MAGI1: variants seen among roughly 807,000 people sequenced by gnomAD.
MAGI1 encodes the protein membrane associated guanylate kinase, WW and PDZ domain containing 1.
MAGI1 carries 58 observed loss-of-function variants against 139.9 expected under a neutral mutation model. That is an observed-to-expected ratio of 0.41 (90% CI 0.34 to 0.52). The LOEUF (loss-of-function observed/expected upper bound fraction) is 0.52, where lower values mean the gene tolerates loss of function less well. MAGI1 is among the 20% of genes least tolerant of loss of function. MAGI1 has a pLI of 0.12. For synonymous variants in MAGI1, 812 were observed against 737.9 expected (o/e 1.10, Z -1.63); for missense variants, 1,874 against 1,901.6 (o/e 0.99, Z 0.27).
rs1022000008 is a variant in MAGI1, at chr3:65,380,751, T to G, written c.2701+1126A>C. On this transcript the variant is annotated intron_variant, in intron 16 of 22. Transcript: ENST00000402939. ...AATCACATTGCCTTACTATTTCTAT[T>G]TGGGCCAGGGAAGCGAGATAGTTAG... is the stretch of plus-strand genomic sequence containing the variant. The G allele has an allele frequency of 5.3e-5, 8 of 152,164 alleles. No individual in the cohort carries two copies. The South Asian group carries it at 1.7e-3, about 32-fold the overall frequency. 9.4% of individuals were successfully genotyped at this position (152,164 alleles called of 1,614,324 possible).
intron 1 of MAGI1, among the ~76,000 whole-genome samples, chr3:65,840,885 T>G (rs1385140121): frequency 1.3e-5 from 2 of 152,216 alleles, no homozygotes; most frequent in Non-Finnish European, 2.9e-5. Context: ...TTTTAGACAT[T>G]TGCTACAATT....
chr3:65,603,375 G>T (rs374243693), intron 2 of MAGI1, among the ~76,000 whole-genome samples: 33 of 151,806 alleles, frequency 2.2e-4, no homozygotes, highest in Non-Finnish European at 4.9e-4. Flanking sequence ...TGGTCAAAGG[G>T]GACAATGAAA....
At chr3:65,735,825 C>T (rs2062474) in intron 1 of MAGI1, among the ~76,000 whole-genome samples, 72,857 of 152,004 alleles carry the variant, frequency 0.48, 18,404 homozygotes, top group East Asian at 0.98. Flanking sequence ...TGTCCGCTGC[C>T]GCTCATTAAA....
At position 65,540,863 on chromosome 3, in the gene MAGI1, G is replaced by A. The variant is rs552369944; in HGVS notation, c.431-47232C>T. Among the ~76,000 whole-genome samples, 58 of 152,316 alleles carry A rather than the reference G, an allele frequency of 3.8e-4. 1 individual carries two copies. In the South Asian group the frequency reaches 0.012, roughly 30 times the overall value. ...ATAATAACCAGTCTGCTGTGAGAGA[G>A]GAAGGAAGCAGATGTGCTGGGAAGA... On this transcript the variant is annotated intron_variant, in intron 2 of 22. Transcript: ENST00000402939.
intron 12 of MAGI1, among the ~76,000 whole-genome samples, chr3:65,422,148 A>G (rs563998519): frequency 5.3e-5 from 8 of 152,334 alleles, no homozygotes; most frequent in African/African-American, 1.9e-4. Flanking sequence ...ACACTGTCCT[A>G]TATCGTAGCC....
intron 1 of MAGI1, among the ~76,000 whole-genome samples, chr3:65,971,852 C>G (rs958506795): frequency 4.6e-5 from 7 of 152,146 alleles, no homozygotes; most frequent in African/African-American, 1.7e-4. Context: ...TTTATTTTTC[C>G]TAAGGAGCAA....
intron 1 of MAGI1, among the ~76,000 whole-genome samples, chr3:65,701,162 T>C (rs536373441): frequency 1.3e-5 from 2 of 150,072 alleles, no homozygotes; most frequent in African/African-American, 4.8e-5. Context: ...CTCTGTAAGG[T>C]TTTCATGTAT....
intron 1 of MAGI1, among the ~76,000 whole-genome samples, chr3:65,977,618 C>T (rs2065332741): frequency 6.6e-6 from 1 of 151,642 alleles, no homozygotes; most frequent in African/African-American, 2.4e-5. Flanking sequence ...GGCTGAGGCA[C>T]AAGAATCACT....
chr3:65,979,227 A>G (rs952478591), intron 1 of MAGI1, among the ~76,000 whole-genome samples: 11 of 152,010 alleles, frequency 7.2e-5, no homozygotes, highest in Admixed American at 5.2e-4. Flanking sequence ...TCAGCCTACA[A>G]GCCCTTCCTT....
intron 1 of MAGI1, among the ~76,000 whole-genome samples, chr3:65,903,504 T>C (rs1182149041): frequency 6.6e-6 from 1 of 152,142 alleles, no homozygotes; most frequent in Non-Finnish European, 1.5e-5. Flanking sequence ...AGAGCACTCA[T>C]GAAATGTTCT....
intron 5 of MAGI1, among the ~76,000 whole-genome samples, chr3:65,459,812 T>C (rs1559573006): frequency 6.6e-6 from 1 of 152,076 alleles, no homozygotes; most frequent in South Asian, 2.1e-4. Context: ...TAGTCCCAGC[T>C]ACTTGGGAGG....
At chr3:65,853,732 TTCTC>T (rs1253491468) in intron 1 of MAGI1, among the ~76,000 whole-genome samples, 14 of 152,198 alleles carry the variant, frequency 9.2e-5, no homozygotes, top group African/African-American at 3.1e-4. Context: ...TTCAAAATGC[TTCTC>T]TCTGTTTGAT....
chr3:65,904,726 G>C (rs1282247127), intron 1 of MAGI1, among the ~76,000 whole-genome samples: 1 of 152,208 alleles, frequency 6.6e-6, no homozygotes, highest in Non-Finnish European at 1.5e-5. Context: ...TGACAAAATA[G>C]TGAAGAGTTT....
chr3:65,709,257 A>T (rs1440267983), intron 1 of MAGI1, among the ~76,000 whole-genome samples: 1 of 152,194 alleles, frequency 6.6e-6, no homozygotes, highest in Non-Finnish European at 1.5e-5. Flanking sequence ...TCTTATACCA[A>T]TCTCCAAAGC....
At chr3:65,750,239 G>A (rs1189872449) in intron 1 of MAGI1, among the ~76,000 whole-genome samples, 1 of 151,958 alleles carries the variant, frequency 6.6e-6, no homozygotes, top group East Asian at 1.9e-4. Context: ...TGGAGGGCAG[G>A]AACAGAAATC....
chr3:65,922,727 G>A (rs958678974), intron 1 of MAGI1, among the ~76,000 whole-genome samples: 13 of 152,122 alleles, frequency 8.5e-5, no homozygotes, highest in South Asian at 2.1e-4. Flanking sequence ...ATGAATCAAC[G>A]GAGCATTGCA....
intron 1 of MAGI1, among the ~76,000 whole-genome samples, chr3:65,981,092 C>T (rs781384692): frequency 1.0e-4 from 15 of 143,202 alleles, no homozygotes; most frequent in Admixed American, 2.2e-4. Context: ...ACCCGGGAGG[C>T]GGAGGTTGCA....
At chr3:65,742,890 T>C (rs1166963021) in intron 1 of MAGI1, among the ~76,000 whole-genome samples, 1 of 152,220 alleles carries the variant, frequency 6.6e-6, no homozygotes, top group Non-Finnish European at 1.5e-5. Context: ...ATCAACAATA[T>C]GTCTGGGAAA....
At chr3:65,401,499 G>C in intron 12 of MAGI1, 29 bp from the exon 13 acceptor site, 1 of 1,609,600 alleles carries the variant, frequency 6.2e-7, no homozygotes, top group Non-Finnish European at 8.5e-7. Flanking sequence ...GGAGGGGAGG[G>C]GGGAAGAAAT....
Sources: gnomAD v4.1 joint callset for allele counts (sites outside exome capture counted in the v4.1 genomes callset) on GRCh38, gnomAD v4.1.1 for gene constraint, MANE v1.5 for transcripts, NCBI Gene and HGNC (gene_info 2026-07-23, HGNC 2026-07-21) for gene names.